Variants in TSC2 observed in about 807,000 individuals in gnomAD.
TSC2 encodes TSC complex subunit 2.
A neutral mutation model predicts 202.2 loss-of-function variants in TSC2; 29 were observed. That is an observed-to-expected ratio of 0.14 (90% CI 0.11 to 0.20). The LOEUF is 0.20. Ranked by LOEUF, TSC2 falls within the 10% of genes least tolerant of loss-of-function variation. The pLI is 1.00. For synonymous variants in TSC2, 1,349 were observed against 1,044.0 expected, an observed-to-expected ratio of 1.29 and a Z score of -5.63; for missense variants, 2,429 against 2,420.0, an observed-to-expected ratio of 1.00 and a Z score of -0.08.
chr16:2,062,487 C>G lies in TSC2; in HGVS notation c.1258-10C>G, dbSNP rs794727093. 6.2e-7 allele frequency: 1 copy of G among 1,605,992 alleles called. No homozygotes were observed. The highest frequency in any genetic ancestry group is 8.5e-7 in the Non-Finnish European group (1 of 1,175,664). On this transcript the variant is annotated splice_polypyrimidine_tract_variant and intron_variant, in intron 12 of 41. Transcript: ENST00000219476. Reference sequence around the variant, plus strand: ...GGGCAGAGGGGCAACACCGGCTCTTCTTTTGACAGGAGTCCTCCCTCCTGA... The same window carrying G: ...GGGCAGAGGGGCAACACCGGCTCTTGTTTTGACAGGAGTCCTCCCTCCTGA...
chr16:2,088,207 C>G lies in TSC2; in HGVS notation c.5161-20C>G, dbSNP rs200315428. The G allele has an allele frequency of 1.9e-6, 3 of 1,613,020 alleles. No homozygotes were observed. The highest frequency in any genetic ancestry group is 4.5e-5 in the East Asian group (2 of 44,884). On this transcript the variant is annotated intron_variant, in intron 40 of 41. Coordinates refer to ENST00000219476, the MANE Select transcript of TSC2 (RefSeq NM_000548.5). ...CAGGTGCCACCTGATAGTGAGCTCACCCCCTGCCTACGTCCCCAGATGGCC... is the reference window on the plus strand; with the variant it reads ...CAGGTGCCACCTGATAGTGAGCTCAGCCCCTGCCTACGTCCCCAGATGGCC...
At chr16:2,071,250 C>T in intron 17 of TSC2, 1 of 564,184 alleles carries the variant, frequency 1.8e-6, no homozygotes, top group Non-Finnish European at 3.2e-6. Flanking sequence ...CCCTTCCATC[C>T]CAGGCGGGCC....
intron 10 of TSC2, among the ~76,000 whole-genome samples, chr16:2,059,819 A>G (rs2086409102): frequency 6.6e-6 from 1 of 151,846 alleles, no homozygotes. Context: ...GTGCCCGGCC[A>G]AGGCTAATGT....
Position 2,086,336 on chromosome 16 carries a change from G to A in TSC2, c.4806G>A (p.Glu1602=), listed in dbSNP as rs1177233720. 2 of 1,612,836 alleles carry A rather than the reference G, an allele frequency of 1.2e-6. No individual in the cohort carries two copies. The highest frequency in any genetic ancestry group is 1.7e-6 in the Non-Finnish European group (2 of 1,179,954). ...VYLGGLDVCG[E]DGQFTYCWHD... ...TGGGAGGCCTGGACGTGTGTGGTGA[G>A]GACGGCCAGTTCACCTACTGCTGGC... is the stretch of plus-strand genomic sequence containing the variant. Residue 1602 remains glutamate (E), a synonymous_variant, in exon 37 of 42, where the codon GAG becomes GAA. Transcript: ENST00000219476.
rs759528809 is a variant in TSC2 at position 2,072,958 on chromosome 16, A to G, written c.2330A>G (p.His777Arg). ...GTGCTGACAGCATTAATCTCTTACC[A>G]TAACTACCTGGACAAAACCAAACAG... The part of the protein sequence containing the change: ...VPVLTALISY[H>R]NYLDKTKQRE... The change falls in exon 21 of 42, where the codon CAT becomes CGT. Residue 777 changes from histidine to arginine, a missense_variant. Coordinates refer to ENST00000219476, the MANE Select transcript of TSC2 (RefSeq NM_000548.5). 4 of 1,613,584 alleles carry G rather than the reference A, an allele frequency of 2.5e-6. No homozygotes were observed. The South Asian group carries it at 4.4e-5, about 18-fold the overall frequency.
intron 19 of TSC2, 138 bp downstream of exon 19, chr16:2,072,072 C>G: frequency 1.3e-6 from 2 of 1,484,370 alleles, no homozygotes; most frequent in Non-Finnish European, 1.8e-6. Context: ...TCCCCCTTCC[C>G]CGAGCAGCTG....
chr16:2,069,564 C>T (rs958479363), intron 16 of TSC2, among the ~76,000 whole-genome samples: 2 of 152,004 alleles, frequency 1.3e-5, no homozygotes, highest in East Asian at 1.9e-4. Flanking sequence ...ACTGCAAGCT[C>T]TGCCTCCTGG....
chr16:2,063,715 G>A, intron 14 of TSC2: 1 of 236,578 alleles, frequency 4.2e-6, no homozygotes, highest in Non-Finnish European at 8.4e-6. Context: ...CATTCTGTCT[G>A]AGGGAGCTAA....
At chr16:2,051,540 A>G (rs1430359068) in intron 3 of TSC2, among the ~76,000 whole-genome samples, 4 of 152,210 alleles carry the variant, frequency 2.6e-5, no homozygotes, top group Admixed American at 6.5e-5. Context: ...AAACATTGCC[A>G]GACTTTCCTG....
intron 17 of TSC2, 80 bp downstream of exon 17, chr16:2,070,658 GCTGC>G (rs2151284220): frequency 6.2e-7 from 1 of 1,602,056 alleles, no homozygotes; most frequent in East Asian, 2.3e-5. Flanking sequence ...GTTCCTGGAA[GCTGC>G]AGAGACGGCC....
intron 11 of TSC2, 182 bp from the exon 12 acceptor site, chr16:2,061,689 G>C: frequency 2.1e-6 from 2 of 958,264 alleles, no homozygotes; most frequent in Non-Finnish European, 3.2e-6. Flanking sequence ...GGATCTGGGG[G>C]TGTCTCAACC....
At chr16:2,053,625 G>A (rs534660426) in intron 4 of TSC2, 173 bp downstream of exon 4, 11 of 716,468 alleles carry the variant, frequency 1.5e-5, no homozygotes, top group East Asian at 2.7e-5. Context: ...CATGAGGTCT[G>A]TGTGACCGTA....
At chr16:2,081,889 G>T in intron 31 of TSC2, 91 bp downstream of exon 31, 1 of 1,516,958 alleles carries the variant, frequency 6.6e-7, no homozygotes. Flanking sequence ...TGCTGAGGGC[G>T]CCCACACGGC....
At position 2,088,873 on chromosome 16, in the gene TSC2, G is replaced by GCT; in HGVS notation, c.*264_*265insTC. 1 of 476,646 alleles carries GCT rather than the reference G, an allele frequency of 2.1e-6. No homozygotes were observed. The highest frequency in any genetic ancestry group is 3.7e-6 in the Non-Finnish European group (1 of 272,410). 29.5% of individuals were successfully genotyped at this position (476,646 alleles called of 1,614,324 possible). On this transcript the variant is annotated 3_prime_UTR_variant, in exon 42 of 42. Transcript: ENST00000219476. ...TGGGCCATACAGCACACTCGCGCGT[G>GCT]CGCGCGCGCACACACACACACACAC...
At chr16:2,064,537 G>C in intron 15 of TSC2, 110 bp downstream of exon 15, 1 of 1,535,688 alleles carries the variant, frequency 6.5e-7, no homozygotes, top group African/African-American at 1.4e-5. Context: ...GGCTGTGTCC[G>C]TAGGTGAGGC....
chr16:2,048,827 T>C, intron 2 of TSC2, 74 bp downstream of exon 2: 1 of 1,605,300 alleles, frequency 6.2e-7, no homozygotes, highest in Admixed American at 1.7e-5. Flanking sequence ...TTGCACCAGG[T>C]TCTGTGGGAG....
chr16:2,058,963 G>C, intron 10 of TSC2, 90 bp downstream of exon 10: 1 of 1,551,204 alleles, frequency 6.4e-7, no homozygotes, highest in South Asian at 1.2e-5. Flanking sequence ...TCCTGCTGCG[G>C]GGGCTGCGGT....
In TSC2 at chr16:2,049,536, C is replaced by T. The variant is rs116115138; in HGVS notation, c.138+783C>T. Among the ~76,000 whole-genome samples, 1,072 of 152,108 alleles carry T rather than the reference C, an allele frequency of 7.0e-3. 10 individuals are homozygous for T. The highest frequency in any genetic ancestry group is 0.024 in the African/African-American group (1,016 of 41,494). ...CATCAACTGATGAATAAAATATAGT[C>T]CATCCTGGCTGGGTGCGGTGGCTCA... On this transcript the variant is annotated intron_variant, in intron 2 of 41. Coordinates refer to ENST00000219476, the MANE Select transcript of TSC2 (RefSeq NM_000548.5).
At chr16:2,072,685 C>G (rs1416448175) in intron 20 of TSC2, 164 bp from the exon 21 acceptor site, 3 of 1,179,118 alleles carry the variant, frequency 2.5e-6, no homozygotes, top group South Asian at 2.7e-5. Context: ...GCAGGCACTC[C>G]CACCACTCCG....
Sources: gnomAD v4.1 joint callset for allele counts (sites outside exome capture counted in the v4.1 genomes callset) on GRCh38, gnomAD v4.1.1 for gene constraint, MANE v1.5 for transcripts, NCBI Gene and HGNC (gene_info 2026-07-23, HGNC 2026-07-21) for gene names.